ADAP1: variants seen among roughly 807,000 people sequenced by gnomAD.
ADAP1 encodes the protein ArfGAP with dual PH domains 1.
ADAP1 carries 31 observed loss-of-function variants against 54.9 expected under a neutral mutation model. The ratio of observed to expected loss-of-function variants is 0.56; its 90% CI spans 0.42 to 0.76. ADAP1 has a LOEUF of 0.76. Ranked by LOEUF, ADAP1 falls within the 30% of genes least tolerant of loss-of-function variation. The probability of loss-of-function intolerance (pLI) is 0.00; values close to 1 mark genes in which losing one functional copy is unlikely to be tolerated. For synonymous variants in ADAP1, 313 were observed against 202.6 expected (o/e 1.55, Z -4.63); for missense variants, 535 against 512.4 (o/e 1.04, Z -0.42).
chr7:903,950 C>CA (rs1342136940), intron 6 of ADAP1, 176 bp downstream of exon 6: 6 of 790,156 alleles, frequency 7.6e-6, no homozygotes, highest in Non-Finnish European at 1.1e-5. Flanking sequence ...CCCACACTCC[C>CA]ACACGTCCAA....
In ADAP1 at chr7:920,144, G is replaced by C; in HGVS notation, c.306-94C>G. The C allele has an allele frequency of 8.7e-7, 1 of 1,145,806 alleles. No homozygotes were observed. Among genetic ancestry groups the C allele is most frequent in the Non-Finnish European group, 1.3e-6 (1 of 799,944 alleles). 71.0% of individuals were successfully genotyped at this position (1,145,806 alleles called of 1,614,324 possible). ...GCCCGGACCCTGGACATCTCAAGAGGCTCATAGGGACCCCCGGCAGACTCG... is the reference window on the plus strand; with the variant it reads ...GCCCGGACCCTGGACATCTCAAGAGCCTCATAGGGACCCCCGGCAGACTCG... On this transcript the variant is annotated intron_variant, in intron 3 of 10. Transcript: ENST00000265846. This position sits in a 1 kb window ranked among gnomAD's most constrained non-coding sequence, Gnocchi z 4.5.
chr7:938,566 C>A lies in ADAP1; in HGVS notation c.83-3061G>T, dbSNP rs1029052735. 1.3e-5 allele frequency among the ~76,000 whole-genome samples: 2 copies of A among 152,196 alleles called. No homozygotes were observed. Among genetic ancestry groups the A allele is most frequent in the African/African-American group, 2.4e-5 (1 of 41,448 alleles). On this transcript the variant is annotated intron_variant, in intron 1 of 10. Coordinates refer to ENST00000265846, the MANE Select transcript of ADAP1 (RefSeq NM_006869.4). The surrounding 1 kb of genome is among the most constrained non-coding windows in gnomAD (Gnocchi z 4.4). ...TCCCAGAAGAGAGAGACCTGACTCC[C>A]CCCGGGCTCCGTCTTCTCCCGAAGC...
chr7:942,248 TACA>T (rs1846957149), intron 1 of ADAP1, among the ~76,000 whole-genome samples: 1 of 150,702 alleles, frequency 6.6e-6, no homozygotes, highest in African/African-American at 2.5e-5. Flanking sequence ...TTTTTTCAGA[TACA>T]ACACCAAAGG....
chr7:921,678 G>A (rs887906261), intron 3 of ADAP1, among the ~76,000 whole-genome samples: 2 of 152,190 alleles, frequency 1.3e-5, no homozygotes, highest in African/African-American at 4.8e-5. Flanking sequence ...GTCTTTTCGG[G>A]GGACACCGTG....
chr7:906,763 G>A (rs1562915535), intron 4 of ADAP1, among the ~76,000 whole-genome samples: 1 of 53,306 alleles, frequency 1.9e-5, no homozygotes, highest in African/African-American at 6.2e-5. Flanking sequence ...CATGGACAGG[G>A]GACATGGGGG....
chr7:927,136 CAG>C (rs1846418584), intron 2 of ADAP1: 3 of 1,303,694 alleles, frequency 2.3e-6, no homozygotes, highest in African/African-American at 3.0e-5. Flanking sequence ...GTGGCTAGGA[CAG>C]AGTCTCTGAG....
chr7:940,255 C>T (rs1846906285), intron 1 of ADAP1, among the ~76,000 whole-genome samples: 1 of 151,516 alleles, frequency 6.6e-6, no homozygotes, highest in Non-Finnish European at 1.5e-5. Context: ...AGGAGGATCA[C>T]TTGAGCCCAG....
chr7:954,610 G>T lies in ADAP1; in HGVS notation c.-133C>A, dbSNP rs1159780022. 1 of 982,864 alleles carries T rather than the reference G, an allele frequency of 1.0e-6. No homozygotes were observed. The highest frequency in any genetic ancestry group is 1.2e-6 in the Non-Finnish European group (1 of 829,340). The allele number at this position is 982,864 out of a possible 1,614,324, so 60.9% of individuals were successfully genotyped here. On this transcript the variant is annotated 5_prime_UTR_variant, in exon 1 of 11. Coordinates refer to ENST00000265846, the MANE Select transcript of ADAP1 (RefSeq NM_006869.4). ...CCGGGCGGCCTCAGCCCGCGCGCCG[G>T]TTCCGCATTCCCGCCGCCCTCTGGG...
intron 6 of ADAP1, among the ~76,000 whole-genome samples, chr7:902,655 G>A (rs549018827): frequency 6.6e-6 from 1 of 151,720 alleles, no homozygotes; most frequent in East Asian, 2.0e-4. Context: ...TTCAGAAAAT[G>A]AGAACAGGGA....
At chr7:942,101 C>G (rs1846952760) in intron 1 of ADAP1, among the ~76,000 whole-genome samples, 1 of 152,252 alleles carries the variant, frequency 6.6e-6, no homozygotes, top group Non-Finnish European at 1.5e-5. Context: ...ATCCACAACA[C>G]AGTAAACAAC....
rs1467137841 is a variant in ADAP1, at chr7:946,158, C to T, written c.82+8238G>A. Among the ~76,000 whole-genome samples the T allele has an allele frequency of 6.6e-6, 1 of 152,226 alleles. No homozygotes were observed. The highest frequency in any genetic ancestry group is 1.9e-4 in the East Asian group (1 of 5,188). On this transcript the variant is annotated intron_variant, in intron 1 of 10. Coordinates refer to ENST00000265846, the MANE Select transcript of ADAP1 (RefSeq NM_006869.4). The surrounding 1 kb of genome is among the most constrained non-coding windows in gnomAD (Gnocchi z 4.3). ...CCCCCAGGCACACAGCGCCCCACTC[C>T]ACGCCGGGACCCAGGCCCCTCTCCA...
At chr7:901,271 C>G (rs893230227) in intron 6 of ADAP1, 17 of 346,932 alleles carry the variant, frequency 4.9e-5, no homozygotes, top group Admixed American at 1.2e-4. Context: ...CCCCTAGACC[C>G]AGCGCCCCTC....
intron 1 of ADAP1, among the ~76,000 whole-genome samples, chr7:950,022 G>C (rs1847229865): frequency 6.6e-6 from 1 of 152,236 alleles, no homozygotes; most frequent in African/African-American, 2.4e-5. Context: ...ATTCACAATG[G>C]CCCAGAGGTG....
intron 3 of ADAP1, among the ~76,000 whole-genome samples, chr7:922,245 C>A (rs1375822880): frequency 6.6e-6 from 1 of 152,178 alleles, no homozygotes; most frequent in East Asian, 1.9e-4. Flanking sequence ...CCTCAGCCCA[C>A]GCCCCAGGAA....
intron 4 of ADAP1, among the ~76,000 whole-genome samples, chr7:907,703 C>G (rs796585661): frequency 1.1e-4 from 16 of 152,330 alleles, no homozygotes; most frequent in African/African-American, 3.8e-4. Flanking sequence ...TGTCCCGCCC[C>G]AACAGCATGT....
chr7:919,964 T>C lies in ADAP1; in HGVS notation c.388+4A>G. ...GAGGCCCCACCCCACCCGGGTGGCC[T>C]CACCTGCCGAGTAGGGCTCCTGCTT... On this transcript the variant is annotated splice_donor_region_variant and intron_variant, in intron 4 of 10. Coordinates refer to ENST00000265846, the MANE Select transcript of ADAP1 (RefSeq NM_006869.4). 2 of 1,602,092 alleles carry C rather than the reference T, an allele frequency of 1.2e-6. No individual in the cohort carries two copies. The highest frequency in any genetic ancestry group is 1.7e-6 in the Non-Finnish European group (2 of 1,178,194).
intron 4 of ADAP1, among the ~76,000 whole-genome samples, chr7:915,839 CCGCCTG>C (rs1845911839): frequency 6.6e-6 from 1 of 152,068 alleles, no homozygotes; most frequent in South Asian, 2.1e-4. Context: ...TGTCTGCCAC[CCGCCTG>C]CAGAACCCAG....
At chr7:900,243 C>T (rs1293469676) in intron 7 of ADAP1, 79 bp from the exon 8 acceptor site, 3 of 1,553,990 alleles carry the variant, frequency 1.9e-6, no homozygotes, top group South Asian at 1.1e-5. Context: ...CCCCTCTGTG[C>T]TCCCCTCACC....
chr7:910,533 G>A (rs374844950), intron 4 of ADAP1, among the ~76,000 whole-genome samples: 4 of 152,222 alleles, frequency 2.6e-5, no homozygotes, highest in Non-Finnish European at 5.9e-5. Flanking sequence ...TGCAGCGTGA[G>A]CCCCACGCCT....
Sources: gnomAD v4.1 joint callset for allele counts (sites outside exome capture counted in the v4.1 genomes callset) on GRCh38, gnomAD v4.1.1 for gene constraint, Gnocchi (gnomAD v3.1) non-coding constraint, MANE v1.5 for transcripts, NCBI Gene and HGNC (gene_info 2026-07-23, HGNC 2026-07-21) for gene names.